The following DTWD2 variants were observed in gnomAD, a reference collection of about 807,000 sequenced individuals.
DTWD2 encodes tRNA-uridine aminocarboxypropyltransferase 2.
Under a neutral mutation model 31.8 loss-of-function variants are expected in DTWD2, and 39 were observed. That is an observed-to-expected ratio of 1.22 (90% CI 0.95 to 1.60). The LOEUF is 1.60. Among genes scored for constraint, DTWD2 ranks in the 40% most tolerant of loss-of-function variants. The pLI is 0.00. For missense variants in DTWD2, 515 were observed against 381.5 expected (o/e 1.35, Z -2.92); for synonymous variants, 180 against 142.8 (o/e 1.26, Z -1.86).
chr5:118,938,923 T>A (rs79537984), intron 3 of DTWD2, among the ~76,000 whole-genome samples: 1,950 of 151,806 alleles, frequency 0.013, 17 homozygotes, highest in Middle Eastern at 0.024. Context: ...ACTAAGTATA[T>A]TTGCCTTTTA....
chr5:118,935,438 A>G (rs1180828936), intron 3 of DTWD2, among the ~76,000 whole-genome samples: 3 of 152,148 alleles, frequency 2.0e-5, no homozygotes, highest in African/African-American at 4.8e-5. Flanking sequence ...GGGATGTGAC[A>G]CTATCCCCAC....
intron 4 of DTWD2, among the ~76,000 whole-genome samples, chr5:118,873,178 T>C (rs1398685624): frequency 6.6e-6 from 1 of 152,184 alleles, no homozygotes; most frequent in African/African-American, 2.4e-5. Flanking sequence ...CCAGAGGGTT[T>C]GGTGCAGGAG....
intron 4 of DTWD2, among the ~76,000 whole-genome samples, chr5:118,862,833 G>C (rs1752292988): frequency 6.6e-6 from 1 of 152,134 alleles, no homozygotes; most frequent in Non-Finnish European, 1.5e-5. Context: ...ATTAGTTTAG[G>C]GGTCATCATA....
chr5:118,904,095 A>C (rs1217461287), intron 4 of DTWD2, among the ~76,000 whole-genome samples: 1 of 152,050 alleles, frequency 6.6e-6, no homozygotes, highest in East Asian at 1.9e-4. Context: ...ATCAGATACC[A>C]CTTCACAAAA....
At chr5:118,862,048 T>A (rs1752271911) in intron 4 of DTWD2, among the ~76,000 whole-genome samples, 1 of 152,210 alleles carries the variant, frequency 6.6e-6, no homozygotes, top group African/African-American at 2.4e-5. Context: ...TGAGCAGGCA[T>A]TACTGCCTGA....
intron 4 of DTWD2, among the ~76,000 whole-genome samples, chr5:118,870,236 TCA>T (rs1206151729): frequency 1.3e-5 from 2 of 152,188 alleles, no homozygotes; most frequent in Non-Finnish European, 2.9e-5. Flanking sequence ...GATAAAATAC[TCA>T]CATACACATA....
intron 1 of DTWD2, 66 bp from the exon 2 acceptor site, chr5:118,944,715 A>T: frequency 6.8e-7 from 1 of 1,466,178 alleles, no homozygotes; most frequent in Non-Finnish European, 9.4e-7. Context: ...CAATTTTTTA[A>T]ATGACCTTAA....
intron 1 of DTWD2, among the ~76,000 whole-genome samples, chr5:118,964,418 GTCTCCC>G (rs916371630): frequency 2.0e-4 from 30 of 151,176 alleles, no homozygotes; most frequent in East Asian, 5.9e-4. Flanking sequence ...TCTCCCCACG[GTCTCCC>G]TCTCCCTCTC....
In DTWD2 at chr5:118,910,600, T is replaced by C. The variant is rs186508291; in HGVS notation, c.597+17937A>G. On this transcript the variant is annotated intron_variant, in intron 4 of 5. Transcript: ENST00000510708. ...ATGGCGGTGTAGGCTTTTTCTAGCA[T>C]GTATGCCAAATTCTTCCAGACTCTC... 5.4e-3 allele frequency among the ~76,000 whole-genome samples: 824 copies of C among 152,324 alleles called. 9 individuals are homozygous for C. Among genetic ancestry groups the C allele is most frequent in the Non-Finnish European group, 3.2e-3 (216 of 68,036 alleles).
chr5:118,949,031 G>A (rs546501218), intron 1 of DTWD2, among the ~76,000 whole-genome samples: 39 of 152,268 alleles, frequency 2.6e-4, no homozygotes, highest in Admixed American at 7.2e-4. Context: ...GAATTATGCC[G>A]AGATAGGTAA....
chr5:118,959,738 T>C (rs2149592431), intron 1 of DTWD2, among the ~76,000 whole-genome samples: 1 of 152,290 alleles, frequency 6.6e-6, no homozygotes, highest in South Asian at 2.1e-4. Flanking sequence ...AACAGCATGG[T>C]ACTGGTACAA....
intron 1 of DTWD2, among the ~76,000 whole-genome samples, chr5:118,979,852 G>T (rs146837789): frequency 6.6e-6 from 1 of 152,222 alleles, no homozygotes; most frequent in African/African-American, 2.4e-5. Context: ...CTGTCAGGAG[G>T]GCAGGGGGTG....
intron 4 of DTWD2, among the ~76,000 whole-genome samples, chr5:118,925,680 CT>C (rs1406241364): frequency 6.6e-6 from 1 of 151,678 alleles, no homozygotes; most frequent in Non-Finnish European, 1.5e-5. Context: ...CCTGTCTCTA[CT>C]AAAAATACAA....
intron 4 of DTWD2, among the ~76,000 whole-genome samples, chr5:118,874,233 A>G (rs867931339): frequency 6.6e-6 from 1 of 152,226 alleles, no homozygotes; most frequent in Admixed American, 6.5e-5. Context: ...CTGAATATAG[A>G]TAAGACCACA....
chr5:118,943,663 G>A (rs913070298), intron 2 of DTWD2, among the ~76,000 whole-genome samples: 1 of 152,070 alleles, frequency 6.6e-6, no homozygotes, highest in African/African-American at 2.4e-5. Context: ...GTTTGTACCC[G>A]GGAGGCAGAG....
chr5:118,930,767 T>C (rs768028781), intron 3 of DTWD2, among the ~76,000 whole-genome samples: 29 of 152,206 alleles, frequency 1.9e-4, no homozygotes, highest in Non-Finnish European at 3.7e-4. Context: ...ATTTCATTTA[T>C]ATGGAATATC....
intron 4 of DTWD2, among the ~76,000 whole-genome samples, chr5:118,861,541 G>A (rs978899722): frequency 6.6e-5 from 10 of 152,110 alleles, no homozygotes. Flanking sequence ...CAGTTTGGCT[G>A]ATAACCCAAA....
rs1190585773 is a variant in DTWD2 at position 118,894,489 on chromosome 5, T to C, written c.597+34048A>G. 9.2e-5 allele frequency among the ~76,000 whole-genome samples: 14 copies of C among 152,208 alleles called. No homozygotes were observed. In the East Asian group the frequency reaches 2.5e-3, roughly 27 times the overall value. On this transcript the variant is annotated intron_variant, in intron 4 of 5. Transcript: ENST00000510708. ...AATAATCATAGCAGTGTGGTATTGC[T>C]ATTTAAAGACAGATATATAAATAAA...
chr5:118,923,478 G>C (rs1054981382), intron 4 of DTWD2, among the ~76,000 whole-genome samples: 3 of 152,194 alleles, frequency 2.0e-5, no homozygotes, highest in African/African-American at 7.2e-5. Context: ...AGGCATGTAT[G>C]CAACTTGCTA....
Sources: gnomAD v4.1 joint callset for allele counts (sites outside exome capture counted in the v4.1 genomes callset) on GRCh38, gnomAD v4.1.1 for gene constraint, MANE v1.5 for transcripts, NCBI Gene and HGNC (gene_info 2026-07-23, HGNC 2026-07-21) for gene names.